CNTN4: variants seen among roughly 807,000 people sequenced by gnomAD.
CNTN4 encodes contactin 4.
CNTN4 carries 77 observed loss-of-function variants against 122.5 expected under a neutral mutation model. That is an observed-to-expected ratio of 0.63 (90% CI 0.52 to 0.76). The LOEUF is 0.76. Ranked by LOEUF, CNTN4 falls within the 30% of genes least tolerant of loss-of-function variation. The pLI, the probability that CNTN4 is intolerant of heterozygous loss-of-function variation, is 0.00. For synonymous variants in CNTN4, 512 were observed against 447.0 expected, an observed-to-expected ratio of 1.15 and a Z score of -1.83; for missense variants, 1,256 against 1,259.1, an observed-to-expected ratio of 1.00 and a Z score of 0.04.
intron 2 of CNTN4, among the ~76,000 whole-genome samples, chr3:2,137,277 A>G (rs962761047): frequency 2.0e-5 from 3 of 152,194 alleles, no homozygotes; most frequent in African/African-American, 7.2e-5. Context: ...ACTTAAGGTT[A>G]TGTCAGCTTT....
At chr3:2,800,183 C>T (rs532786540) in intron 6 of CNTN4, among the ~76,000 whole-genome samples, 1 of 150,514 alleles carries the variant, frequency 6.6e-6, no homozygotes, top group East Asian at 2.0e-4. Context: ...TGAGAAATGA[C>T]ATCGGTATTT....
intron 13 of CNTN4, among the ~76,000 whole-genome samples, chr3:2,976,867 CTT>C (rs1302472487): frequency 1.4e-5 from 2 of 144,416 alleles, no homozygotes; most frequent in Non-Finnish European, 3.1e-5. Flanking sequence ...CAAAACAAGT[CTT>C]TTTTTTTTTT....
At chr3:2,600,626 G>C (rs1260359096) in intron 4 of CNTN4, among the ~76,000 whole-genome samples, 3 of 152,256 alleles carry the variant, frequency 2.0e-5, no homozygotes, top group South Asian at 4.1e-4. Flanking sequence ...TTGATTCCAA[G>C]TCTTTGCTAT....
chr3:2,177,656 T>TTCTGTG (rs1553593166), intron 2 of CNTN4, among the ~76,000 whole-genome samples: 2 of 147,448 alleles, frequency 1.4e-5, no homozygotes, highest in Admixed American at 1.4e-4. Flanking sequence ...GTGTGTGTGT[T>TTCTGTG]TGTGTGTGTG....
intron 2 of CNTN4, among the ~76,000 whole-genome samples, chr3:2,125,915 GTGTGTGTGTGTGTA>G (rs1408398345): frequency 1.5e-4 from 22 of 151,408 alleles, no homozygotes; most frequent in African/African-American, 4.9e-4. Context: ...GTGTGTGTGT[GTGTGTGTGTGTGTA>G]TGTGTGTATG....
rs138897927 is a variant in CNTN4 at position 2,418,908 on chromosome 3, A to C, written c.-89+79675A>C. 1.7e-3 allele frequency among the ~76,000 whole-genome samples: 263 copies of C among 152,274 alleles called. 2 individuals carry two copies. Among genetic ancestry groups the C allele is most frequent in the Non-Finnish European group, 2.7e-3 (186 of 68,004 alleles). ...TTAGAGAATCCCAGGAAAGGAAAGA[A>C]TCCTACAACCCGTAGGATGAAAAAA... On this transcript the variant is annotated intron_variant, in intron 3 of 24. Coordinates refer to ENST00000418658, the MANE Select transcript of CNTN4 (RefSeq NM_175607.3).
chr3:2,107,437 G>C (rs2032542479), intron 2 of CNTN4, among the ~76,000 whole-genome samples: 1 of 152,114 alleles, frequency 6.6e-6, no homozygotes, highest in Non-Finnish European at 1.5e-5. Flanking sequence ...AAGCAAGAGA[G>C]AGTGAATGAG....
At chr3:2,659,391 G>A (rs568429236) in intron 4 of CNTN4, among the ~76,000 whole-genome samples, 5 of 150,404 alleles carry the variant, frequency 3.3e-5, no homozygotes, top group Admixed American at 1.3e-4. Flanking sequence ...GAACCCAGGA[G>A]GTGGAGGTTG....
At chr3:2,513,085 A>G (rs2076936399) in intron 3 of CNTN4, among the ~76,000 whole-genome samples, 1 of 152,188 alleles carries the variant, frequency 6.6e-6, no homozygotes, top group Non-Finnish European at 1.5e-5. Flanking sequence ...GGACTCTGGT[A>G]CCTCTGAGTA....
At chr3:2,158,593 A>G (rs962909150) in intron 2 of CNTN4, among the ~76,000 whole-genome samples, 7 of 152,222 alleles carry the variant, frequency 4.6e-5, no homozygotes, top group East Asian at 1.9e-4. Context: ...TCACTGATAC[A>G]TGGAAGTGAA....
chr3:2,578,999 G>A (rs935210778), intron 4 of CNTN4, among the ~76,000 whole-genome samples: 3 of 152,206 alleles, frequency 2.0e-5, no homozygotes, highest in Non-Finnish European at 4.4e-5. Context: ...TAATGAAGAT[G>A]TTGAGGTAAA....
intron 2 of CNTN4, among the ~76,000 whole-genome samples, chr3:2,191,582 T>C (rs2037548379): frequency 6.6e-6 from 1 of 151,794 alleles, no homozygotes; most frequent in Admixed American, 6.6e-5. Flanking sequence ...AATATTTAAC[T>C]TTTTTTTATT....
At chr3:2,248,696 T>C (rs2040248826) in intron 2 of CNTN4, among the ~76,000 whole-genome samples, 1 of 152,032 alleles carries the variant, frequency 6.6e-6, no homozygotes, top group South Asian at 2.1e-4. Context: ...GGTGATGAGC[T>C]TGAGCACTCT....
chr3:2,282,120 G>A (rs1288868131), intron 2 of CNTN4, among the ~76,000 whole-genome samples: 2 of 151,932 alleles, frequency 1.3e-5, no homozygotes, highest in Admixed American at 6.6e-5. Context: ...TTTTCTAGGA[G>A]GTCATTGATA....
chr3:2,897,241 G>A (rs1313025520), intron 10 of CNTN4, among the ~76,000 whole-genome samples: 1 of 152,128 alleles, frequency 6.6e-6, no homozygotes, highest in African/African-American at 2.4e-5. Flanking sequence ...AAGAGACAAA[G>A]TGTGTCACAG....
chr3:2,346,929 CTT>C (rs2044418029), intron 3 of CNTN4, among the ~76,000 whole-genome samples: 1 of 152,064 alleles, frequency 6.6e-6, no homozygotes, highest in African/African-American at 2.4e-5. Flanking sequence ...TCTAAAATTA[CTT>C]TTGTTGTCTC....
chr3:2,609,769 A>G (rs531869634), intron 4 of CNTN4, among the ~76,000 whole-genome samples: 3 of 152,322 alleles, frequency 2.0e-5, no homozygotes, highest in Admixed American at 1.3e-4. Flanking sequence ...AATTAAAATT[A>G]CATATTTTCC....
At chr3:2,686,475 T>A (rs2085435422) in intron 4 of CNTN4, among the ~76,000 whole-genome samples, 1 of 152,116 alleles carries the variant, frequency 6.6e-6, no homozygotes, top group Non-Finnish European at 1.5e-5. Context: ...CAGCTCCAAA[T>A]CTCTATGCCC....
intron 4 of CNTN4, among the ~76,000 whole-genome samples, chr3:2,722,737 T>G (rs2087940367): frequency 6.6e-6 from 1 of 152,238 alleles, no homozygotes; most frequent in African/African-American, 2.4e-5. Context: ...GCATGCCACT[T>G]TACCTTATGA....
Sources: gnomAD v4.1 joint callset for allele counts (sites outside exome capture counted in the v4.1 genomes callset) on GRCh38, gnomAD v4.1.1 for gene constraint, MANE v1.5 for transcripts, NCBI Gene and HGNC (gene_info 2026-07-23, HGNC 2026-07-21) for gene names.